The following SRRM4 variants were observed in gnomAD, a reference collection of about 807,000 sequenced individuals.
SRRM4 encodes the protein serine/arginine repetitive matrix protein 4.
Under a neutral mutation model 68.9 loss-of-function variants are expected in SRRM4, and 33 were observed. The observed-to-expected ratio is 0.48, with a 90% confidence interval of 0.36 to 0.64. The LOEUF (loss-of-function observed/expected upper bound fraction) is 0.64. SRRM4 is among the 30% of genes least tolerant of loss of function. The pLI, the probability that SRRM4 is intolerant of heterozygous loss-of-function variation, is 0.00. For synonymous variants in SRRM4, 318 were observed against 318.8 expected (o/e 1.00, Z 0.03); for missense variants, 817 against 827.1 (o/e 0.99, Z 0.15).
chr12:119,143,795 G>A (rs185709629), intron 8 of SRRM4, among the ~76,000 whole-genome samples: 10 of 152,290 alleles, frequency 6.6e-5, no homozygotes, highest in Non-Finnish European at 1.3e-4. Context: ...TTTAAACAGA[G>A]AATTTTGGGA....
At chr12:119,040,032 G>A (rs1159495587) in intron 1 of SRRM4, among the ~76,000 whole-genome samples, 1 of 152,050 alleles carries the variant, frequency 6.6e-6, no homozygotes, top group Non-Finnish European at 1.5e-5. Flanking sequence ...GATCAGAAAT[G>A]TTAGTTATAT....
chr12:119,025,031 A>G lies in SRRM4; in HGVS notation c.131+43018A>G, dbSNP rs556353307. Among the ~76,000 whole-genome samples the G allele has an allele frequency of 4.6e-5, 7 of 152,268 alleles. No homozygotes were observed. The South Asian group carries it at 1.5e-3, about 32-fold the overall frequency. ...AAGCACTCAAGTCAGAAATTGCAGCATAGATGGATGGGTGCTTTGATGGAG... is the reference window on the plus strand; with the variant it reads ...AAGCACTCAAGTCAGAAATTGCAGCGTAGATGGATGGGTGCTTTGATGGAG... On this transcript the variant is annotated intron_variant, in intron 1 of 12. Transcript: ENST00000267260.
chr12:119,111,820 G>T (rs962318372), intron 2 of SRRM4, among the ~76,000 whole-genome samples: 1 of 152,154 alleles, frequency 6.6e-6, no homozygotes, highest in African/African-American at 2.4e-5. Context: ...AAAGCAAGTG[G>T]ATCACCTGGG....
rs141057022 is a variant in SRRM4 at position 119,046,896 on chromosome 12, G to A, written c.132-55340G>A. Among the ~76,000 whole-genome samples the A allele has an allele frequency of 2.2e-4, 34 of 152,096 alleles. No homozygotes were observed. The East Asian group carries it at 5.0e-3, about 23-fold the overall frequency. On this transcript the variant is annotated intron_variant, in intron 1 of 12. Coordinates refer to ENST00000267260, the MANE Select transcript of SRRM4 (RefSeq NM_194286.4). ...AATACAAAAAAATTAGCCAAGCATC[G>A]TGGCAGACACCTGTAGTCCCAGCTA... is the stretch of plus-strand genomic sequence containing the variant.
At chr12:119,011,360 CT>C (rs1412914854) in intron 1 of SRRM4, among the ~76,000 whole-genome samples, 3 of 152,190 alleles carry the variant, frequency 2.0e-5, no homozygotes, top group Non-Finnish European at 2.9e-5. Flanking sequence ...GTCCTGTGCA[CT>C]GCAGGATGTT....
chr12:119,115,501 G>A (rs1398134668), intron 3 of SRRM4, among the ~76,000 whole-genome samples: 6 of 152,162 alleles, frequency 3.9e-5, no homozygotes, highest in African/African-American at 1.2e-4. Context: ...GCAGAGAGCA[G>A]CATCTGATGA....
chr12:118,991,111 T>C (rs1594016642), intron 1 of SRRM4, among the ~76,000 whole-genome samples: 1 of 152,174 alleles, frequency 6.6e-6, no homozygotes, highest in East Asian at 1.9e-4. Context: ...GGACCCATGT[T>C]TTTTTAAGTA....
chr12:119,065,952 A>G (rs1374968395), intron 1 of SRRM4, among the ~76,000 whole-genome samples: 2 of 152,072 alleles, frequency 1.3e-5, no homozygotes, highest in Non-Finnish European at 1.5e-5. Context: ...AGAAGAATAA[A>G]TAGACAAGGT....
chr12:119,097,895 A>G (rs79350363), intron 1 of SRRM4, among the ~76,000 whole-genome samples: 347 of 152,358 alleles, frequency 2.3e-3, no homozygotes, highest in African/African-American at 7.7e-3. Flanking sequence ...CCATGTGTTT[A>G]TTCAATGCTA....
rs562002879 is a variant in SRRM4 at position 119,016,454 on chromosome 12, T to TA, written c.131+34455dup. Among the ~76,000 whole-genome samples, 510 of 138,654 alleles carry TA rather than the reference T, an allele frequency of 3.7e-3. 3 individuals carry two copies. The highest frequency in any genetic ancestry group is 0.026 in the South Asian group (113 of 4,316). The allele number at this position is 138,654 out of a possible 152,430, so 91.0% of individuals were successfully genotyped here. ...AGTTCAGAATTCAATACGATGTAAT[T>TA]AAAAAAAAAAAAAAGAAAAAGAAAA... On this transcript the variant is annotated intron_variant, in intron 1 of 12. Coordinates refer to ENST00000267260, the MANE Select transcript of SRRM4 (RefSeq NM_194286.4).
chr12:119,125,317 C>A (rs1954250185), intron 6 of SRRM4, 64 bp from the exon 7 acceptor site: 4 of 1,451,654 alleles, frequency 2.8e-6, no homozygotes, highest in Non-Finnish European at 3.8e-6. Flanking sequence ...GATCAAATCT[C>A]TCACTCTCCC....
intron 2 of SRRM4, among the ~76,000 whole-genome samples, chr12:119,102,952 G>C (rs1954085823): frequency 6.6e-6 from 1 of 152,172 alleles, no homozygotes; most frequent in African/African-American, 2.4e-5. Context: ...ATTTTACTGA[G>C]GCTGGGAGAA....
intron 4 of SRRM4, among the ~76,000 whole-genome samples, chr12:119,117,227 G>A (rs959787109): frequency 1.3e-5 from 2 of 152,168 alleles, no homozygotes; most frequent in Non-Finnish European, 2.9e-5. Context: ...TGATTATAAA[G>A]AAGCAGGAGT....
chr12:119,053,299 C>T (rs1565898260), intron 1 of SRRM4, among the ~76,000 whole-genome samples: 1 of 152,112 alleles, frequency 6.6e-6, no homozygotes, highest in East Asian at 1.9e-4. Context: ...ATGAAGTTTC[C>T]TTTTTAATTG....
chr12:119,120,124 C>T (rs1266567085), intron 4 of SRRM4, 126 bp from the exon 5 acceptor site: 4 of 648,054 alleles, frequency 6.2e-6, no homozygotes, highest in East Asian at 2.7e-5. Flanking sequence ...TTCACCATCC[C>T]TCCCTTTCTT....
At chr12:119,011,620 T>C (rs1399289246) in intron 1 of SRRM4, among the ~76,000 whole-genome samples, 2 of 152,108 alleles carry the variant, frequency 1.3e-5, no homozygotes, top group Non-Finnish European at 2.9e-5. Context: ...GTCTAAGACT[T>C]TGGAAATTAA....
chr12:119,116,951 G>C lies in SRRM4; in HGVS notation c.380G>C (p.Ser127Thr). The C allele has an allele frequency of 1.2e-6, 2 of 1,613,154 alleles. No homozygotes were observed. The highest frequency in any genetic ancestry group is 2.2e-5 in the South Asian group (2 of 91,034). Residue 127 changes from serine to threonine, a missense_variant, in exon 4 of 13, where the codon AGC (serine) becomes ACC (threonine). Ser to Thr is a moderately conservative substitution (Grantham distance 58). Transcript: ENST00000267260. ...RKKRRRSSSY[S>T]PSPVKKKKKK... ...GGCCCTGGCAGGTCCTCATCCTATA[G>C]CCCATCGCCTGTCAAGAAAAAGAAG...
At chr12:118,983,567 C>T (rs533649947) in intron 1 of SRRM4, among the ~76,000 whole-genome samples, 1 of 152,316 alleles carries the variant, frequency 6.6e-6, no homozygotes, top group East Asian at 1.9e-4. Flanking sequence ...TAATCAGGTG[C>T]TGCACTGGCC....
At chr12:119,118,210 T>G (rs748638190) in intron 4 of SRRM4, among the ~76,000 whole-genome samples, 9 of 152,220 alleles carry the variant, frequency 5.9e-5, no homozygotes, top group Non-Finnish European at 1.3e-4. Context: ...GCAGGAAGTT[T>G]GAAGCTCCCT....
Sources: allele counts gnomAD v4.1 joint callset (sites outside exome capture counted in the v4.1 genomes callset), GRCh38; gene constraint gnomAD v4.1.1; transcripts MANE v1.5; gene names NCBI Gene and HGNC (gene_info 2026-07-23, HGNC 2026-07-21).